Variants in DRD1 observed in about 807,000 individuals in gnomAD.
DRD1 encodes D(1A) dopamine receptor.
A neutral mutation model predicts 23.8 loss-of-function variants in DRD1; 2 were observed. That is an observed-to-expected ratio of 0.08 (90% CI 0.03 to 0.26). The LOEUF (loss-of-function observed/expected upper bound fraction) is 0.26. Ranked by LOEUF, DRD1 falls within the 10% of genes least tolerant of loss-of-function variation. The pLI is 1.00. For synonymous variants in DRD1, 218 were observed against 225.7 expected (o/e 0.97, Z 0.30); for missense variants, 376 against 559.0 (o/e 0.67, Z 3.30).
Position 175,443,342 on chromosome 5 carries a change from T to TCA in DRD1, c.-245_-244dup, listed in dbSNP as rs1361775247. 1 of 575,456 alleles carries TCA rather than the reference T, an allele frequency of 1.7e-6. No homozygotes were observed. Among genetic ancestry groups the TCA allele is most frequent in the African/African-American group, 1.9e-5 (1 of 53,472 alleles). 35.6% of individuals were successfully genotyped at this position (575,456 alleles called of 1,614,324 possible). On this transcript the variant is annotated 5_prime_UTR_variant, in exon 2 of 2. It introduces an in-frame stop codon into an upstream open reading frame of the 5' UTR. Coordinates refer to ENST00000393752, the MANE Select transcript of DRD1 (RefSeq NM_000794.5). ...TGTCTTCTGACTCCCTTGCTGCAGG[T>TCA]CACTGTCTTGGGCACCAGAAAGCCC...
chr5:175,441,620 T>A lies in DRD1; in HGVS notation c.*139A>T, dbSNP rs928651015. The stretch of plus-strand genomic sequence containing the variant: ...ACTGGAATGTATTTGGAAACGGAGT[T>A]AATTGTGTGTTGGAAAGCAGCAGAG... On this transcript the variant is annotated 3_prime_UTR_variant, in exon 2 of 2. Coordinates refer to ENST00000393752, the MANE Select transcript of DRD1 (RefSeq NM_000794.5). 2 of 1,063,364 alleles carry A rather than the reference T, an allele frequency of 1.9e-6. No homozygotes were observed. The highest frequency in any genetic ancestry group is 1.3e-6 in the Non-Finnish European group (1 of 748,294). The allele number at this position is 1,063,364 out of a possible 1,614,324, so 65.9% of individuals were successfully genotyped here. A position where few individuals can be genotyped will look rare whatever the true frequency, so the allele number is the denominator to read the frequency against.
chr5:175,442,961 C>T lies in DRD1; in HGVS notation c.139G>A (p.Ala47Thr), dbSNP rs1314152291. 1 of 1,614,032 alleles carries T rather than the reference C, an allele frequency of 6.2e-7. No individual in the cohort carries two copies. Among genetic ancestry groups the T allele is most frequent in the East Asian group, 2.2e-5 (1 of 44,862 alleles). Reference protein sequence around the residue: ...TLLGNTLVCAAVIRFRHLRSK... With the variant: ...TLLGNTLVCATVIRFRHLRSK... ...CGCAGGTGTCGGAACCTGATAACGG[C>T]AGCACAGACCAGCGTGTTCCCCAGG... Residue 47 changes from alanine (A) to threonine (T), a missense_variant, in exon 2 of 2, where the codon GCC (alanine) becomes ACC (threonine). This residue lies in a region of DRD1 where 121 missense variants were observed against 239.4 expected (regional missense o/e 0.51). Transcript: ENST00000393752. This position sits in a 1 kb window ranked among gnomAD's most constrained non-coding sequence, Gnocchi z 7.3.
rs79985405 is a variant in DRD1 at position 175,443,203 on chromosome 5, T to G, written c.-104A>C. ...AGGAGTCCTCCCCACCAGGCAGCAC[T>G]TTGCACAGCCAGATTGCTTCCCTGG... On this transcript the variant is annotated 5_prime_UTR_variant, in exon 2 of 2. Coordinates refer to ENST00000393752, the MANE Select transcript of DRD1 (RefSeq NM_000794.5). 1 of 1,469,266 alleles carries G rather than the reference T, an allele frequency of 6.8e-7. No individual in the cohort carries two copies. The highest frequency in any genetic ancestry group is 2.3e-5 in the East Asian group (1 of 43,666). The allele number at this position is 1,469,266 out of a possible 1,614,324, so 91.0% of individuals were successfully genotyped here.
At position 175,443,280 on chromosome 5, in the gene DRD1, G is replaced by C. The variant is rs1246888614; in HGVS notation, c.-181C>G. 10 of 717,938 alleles carry C rather than the reference G, an allele frequency of 1.4e-5. No homozygotes were observed. The highest frequency in any genetic ancestry group is 2.9e-5 in the Admixed American group (1 of 33,944). 44.5% of individuals were successfully genotyped at this position (717,938 alleles called of 1,614,324 possible). ...GAGGACCGCTTGAGTGGCAATCCAA[G>C]TCAATCCCGTGGATGGTCACTCTTG... On this transcript the variant is annotated 5_prime_UTR_variant, in exon 2 of 2. Transcript: ENST00000393752.
chr5:175,442,944 T>A lies in DRD1; in HGVS notation c.156A>T (p.Arg52=). ...TLVCAAVIRF[R]HLRSKVTNFF... Reference sequence around the variant, plus strand: ...AGTTGGTCACCTTGGACCGCAGGTGTCGGAACCTGATAACGGCAGCACAGA... The same window carrying A: ...AGTTGGTCACCTTGGACCGCAGGTGACGGAACCTGATAACGGCAGCACAGA... Residue 52 remains arginine (R), a synonymous_variant, in exon 2 of 2, where the codon CGA becomes CGT. Transcript: ENST00000393752. This position sits in a 1 kb window ranked among gnomAD's most constrained non-coding sequence, Gnocchi z 7.3. 1 of 1,612,896 alleles carries A rather than the reference T, an allele frequency of 6.2e-7. No individual in the cohort carries two copies. The highest frequency in any genetic ancestry group is 8.5e-7 in the Non-Finnish European group (1 of 1,179,896).
In DRD1 at chr5:175,441,890, C is replaced by T. The variant is rs1758525126; in HGVS notation, c.1210G>A (p.Glu404Lys). The change falls in exon 2 of 2, where the codon GAG becomes AAG. Residue 404 changes from glutamate (E) to lysine (K), a missense_variant. By Grantham distance (56) the Glu-to-Lys change is moderately conservative (BLOSUM62 1). Around this residue, in one of 5 missense-constraint regions of DRD1, gnomAD observed 117 missense variants for 126.9 expected, o/e 0.92. Coordinates refer to ENST00000393752, the MANE Select transcript of DRD1 (RefSeq NM_000794.5). ...AVGSSEDLKKEEAAGIARPLE... is the reference protein window; with the variant it reads ...AVGSSEDLKKKEAAGIARPLE... ...GGTCTGGCGATGCCAGCTGCCTCCT[C>T]CTTTTTCAGGTCCTCAGAGGAGCCC... The T allele has an allele frequency of 1.2e-6, 2 of 1,614,028 alleles. No homozygotes were observed. The highest frequency in any genetic ancestry group is 1.7e-6 in the Non-Finnish European group (2 of 1,180,028).
chr5:175,442,677 G>A lies in DRD1; in HGVS notation c.423C>T (p.Phe141=). The change falls in exon 2 of 2, where the codon TTC becomes TTT. Residue 141 remains phenylalanine, a synonymous_variant. Transcript: ENST00000393752. The surrounding 1 kb of genome is among the most constrained non-coding windows in gnomAD (Gnocchi z 7.3). The part of the protein sequence containing the change: ...YERKMTPKAA[F]ILISVAWTLS... ...AGGTCCATGCCACACTGATCAGGAT[G>A]AAGGCTGCCTTGGGGGTCATCTTTC... The A allele has an allele frequency of 6.2e-7, 1 of 1,614,168 alleles. No individual in the cohort carries two copies. The highest frequency in any genetic ancestry group is 8.5e-7 in the Non-Finnish European group (1 of 1,180,026).
rs944856530 is a variant in DRD1 at position 175,440,504 on chromosome 5, A to T, written c.*1255T>A. ...ATTAACATTTAAAGACTCCTTTAAA[A>T]ATCAGCTCTAAATTCAGATTAAAGC... On this transcript the variant is annotated 3_prime_UTR_variant, in exon 2 of 2. Transcript: ENST00000393752. The T allele has an allele frequency of 6.6e-6, 1 of 152,636 alleles. No homozygotes were observed. Among genetic ancestry groups the T allele is most frequent in the Non-Finnish European group, 1.5e-5 (1 of 68,042 alleles). 9.5% of individuals were successfully genotyped at this position (152,636 alleles called of 1,614,324 possible). A position where few individuals can be genotyped will look rare whatever the true frequency, so the allele number is the denominator to read the frequency against.
Position 175,442,382 on chromosome 5 carries a change from T to A in DRD1, c.718A>T (p.Asn240Tyr). The change falls in exon 2 of 2, where the codon AAT becomes TAT. Residue 240 changes from asparagine (N) to tyrosine (Y), a missense_variant. By Grantham distance (143) the Asn-to-Tyr change is moderately radical. Transcript: ENST00000393752. This position sits in a 1 kb window ranked among gnomAD's most constrained non-coding sequence, Gnocchi z 7.3. ...CCATTACCTGTGGTGGTCTGGCAATTCTTGGCGTGGACTGCTGCCCTCTCC... is the reference window on the plus strand; with the variant it reads ...CCATTACCTGTGGTGGTCTGGCAATACTTGGCGTGGACTGCTGCCCTCTCC... Reference protein sequence around the residue: ...ALERAAVHAKNCQTTTGNGKP... With the variant: ...ALERAAVHAKYCQTTTGNGKP... 1 of 1,614,168 alleles carries A rather than the reference T, an allele frequency of 6.2e-7. No individual in the cohort carries two copies. The highest frequency in any genetic ancestry group is 8.5e-7 in the Non-Finnish European group (1 of 1,180,026).
At position 175,441,699 on chromosome 5, in the gene DRD1, C is replaced by T; in HGVS notation, c.*60G>A. 1 of 1,508,674 alleles carries T rather than the reference C, an allele frequency of 6.6e-7. No homozygotes were observed. Among genetic ancestry groups the T allele is most frequent in the Non-Finnish European group, 8.8e-7 (1 of 1,134,186 alleles). 93.5% of individuals were successfully genotyped at this position (1,508,674 alleles called of 1,614,324 possible). A position where few individuals can be genotyped will look rare whatever the true frequency, so the allele number is the denominator to read the frequency against. ...GTACCTTAGTTTCTTAATAGCAAGC[C>T]CCAGAGCAATCTCCTCTAGCTTTTG... is the stretch of plus-strand genomic sequence containing the variant. On this transcript the variant is annotated 3_prime_UTR_variant, in exon 2 of 2. Transcript: ENST00000393752.
At position 175,441,744 on chromosome 5, in the gene DRD1, G is replaced by T; in HGVS notation, c.*15C>A. On this transcript the variant is annotated 3_prime_UTR_variant, in exon 2 of 2. Transcript: ENST00000393752. ...CTTTTGGGATGAGCATGTGTGGCAGGATTCATCTGCGAGTTCAGGTTGGGT... is the reference window on the plus strand; with the variant it reads ...CTTTTGGGATGAGCATGTGTGGCAGTATTCATCTGCGAGTTCAGGTTGGGT... The T allele has an allele frequency of 3.9e-6, 6 of 1,548,890 alleles. No homozygotes were observed. The South Asian group carries it at 6.2e-5, about 16-fold the overall frequency.
chr5:175,443,062 C>A lies in DRD1; in HGVS notation c.38G>T (p.Gly13Val). 6.2e-7 allele frequency: 1 copy of A among 1,614,180 alleles called. No homozygotes were observed. The highest frequency in any genetic ancestry group is 2.2e-5 in the East Asian group (1 of 44,876). Residue 13 changes from glycine to valine, a missense_variant, in exon 2 of 2, where the codon GGG (glycine) becomes GTG (valine). Gly to Val is a moderately radical substitution (Grantham distance 109). Transcript: ENST00000393752. ...TLNTSAMDGT[G>V]LVVERDFSVR... is the part of the protein sequence containing the mutation. ...AGAGAAGTCCCTCTCCACCACCAGC[C>A]CAGTCCCGTCCATGGCAGAGGTGTT...
Position 175,441,658 on chromosome 5 carries a change from A to G in DRD1, c.*101T>C. On this transcript the variant is annotated 3_prime_UTR_variant, in exon 2 of 2. Transcript: ENST00000393752. ...GAAAGCAGCAGAGGGCTCTCCTGACACCTCAGAGTCTCACCGTACCTTAGT... is the reference window on the plus strand; with the variant it reads ...GAAAGCAGCAGAGGGCTCTCCTGACGCCTCAGAGTCTCACCGTACCTTAGT... The G allele has an allele frequency of 2.8e-6, 4 of 1,423,236 alleles. No individual in the cohort carries two copies. Among genetic ancestry groups the G allele is most frequent in the Non-Finnish European group, 3.7e-6 (4 of 1,066,796 alleles). The allele number at this position is 1,423,236 out of a possible 1,614,324, so 88.2% of individuals were successfully genotyped here.
In DRD1 at chr5:175,443,713, G is replaced by C. The variant is rs1758563866; in HGVS notation, c.-498C>G. 1 of 153,068 alleles carries C rather than the reference G, an allele frequency of 6.5e-6. No individual in the cohort carries two copies. The highest frequency in any genetic ancestry group is 2.1e-4 in the South Asian group (1 of 4,852). 9.5% of individuals were successfully genotyped at this position (153,068 alleles called of 1,614,324 possible). ...GAGCCACCTACCTTGCCTTGGGGTC[G>C]TCTCTCTCAAAGCCCCTGGAGCTTG... On this transcript the variant is annotated 5_prime_UTR_variant, in exon 1 of 2. Transcript: ENST00000393752.
At position 175,443,957 on chromosome 5, in the gene DRD1, C is replaced by T. The variant is rs938320809; in HGVS notation, c.-742G>A. The T allele has an allele frequency of 1.3e-5, 2 of 152,466 alleles. No individual in the cohort carries two copies. The highest frequency in any genetic ancestry group is 6.5e-5 in the Admixed American group (1 of 15,290). 9.4% of individuals were successfully genotyped at this position (152,466 alleles called of 1,614,324 possible). On this transcript the variant is annotated 5_prime_UTR_variant, in exon 1 of 2. Coordinates refer to ENST00000393752, the MANE Select transcript of DRD1 (RefSeq NM_000794.5). ...AAGGGCACTAGACCCCGGCTAAGGG[C>T]TCCTGGGCGCTCGGAGCTTCCTTGG... is the stretch of plus-strand genomic sequence containing the variant.
At position 175,442,189 on chromosome 5, in the gene DRD1, T is replaced by G; in HGVS notation, c.911A>C (p.Gln304Pro). ...GGTGTTGGAATCAATGCAGAAGGGC[T>G]GCGTCTCCCCAGACCCACAGAAGGG... ...ILPFCGSGET[Q>P]PFCIDSNTFD... Residue 304 changes from glutamine (Q) to proline (P), a missense_variant, in exon 2 of 2, where the codon CAG becomes CCG. Around this residue, in one of 5 missense-constraint regions of DRD1, gnomAD observed 47 missense variants for 106.7 expected, o/e 0.44. Coordinates refer to ENST00000393752, the MANE Select transcript of DRD1 (RefSeq NM_000794.5). The surrounding 1 kb of genome is among the most constrained non-coding windows in gnomAD (Gnocchi z 7.3). 6.2e-7 allele frequency: 1 copy of G among 1,614,126 alleles called. No homozygotes were observed. Among genetic ancestry groups the G allele is most frequent in the Non-Finnish European group, 8.5e-7 (1 of 1,180,030 alleles).
Position 175,443,050 on chromosome 5 carries a change from T to G in DRD1, c.50A>C (p.Glu17Ala). The G allele has an allele frequency of 6.2e-7, 1 of 1,614,134 alleles. No individual in the cohort carries two copies. Among genetic ancestry groups the G allele is most frequent in the Non-Finnish European group, 8.5e-7 (1 of 1,180,034 alleles). ...SAMDGTGLVV[E>A]RDFSVRILTA... Reference sequence around the variant, plus strand: ...GAGGATACGAACAGAGAAGTCCCTCTCCACCACCAGCCCAGTCCCGTCCAT... The same window carrying G: ...GAGGATACGAACAGAGAAGTCCCTCGCCACCACCAGCCCAGTCCCGTCCAT... The change falls in exon 2 of 2, where the codon GAG becomes GCG. Residue 17 changes from glutamate (E) to alanine (A), a missense_variant. Coordinates refer to ENST00000393752, the MANE Select transcript of DRD1 (RefSeq NM_000794.5).
Position 175,443,264 on chromosome 5 carries a change from T to G in DRD1, c.-165A>C. 1.2e-6 allele frequency: 1 copy of G among 847,392 alleles called. No individual in the cohort carries two copies. The highest frequency in any genetic ancestry group is 1.8e-6 in the Non-Finnish European group (1 of 548,486). The allele number at this position is 847,392 out of a possible 1,614,324, so 52.5% of individuals were successfully genotyped here. On this transcript the variant is annotated 5_prime_UTR_variant, in exon 2 of 2. Transcript: ENST00000393752. ...CACCAACATTCCATGAGAGGACCGC[T>G]TGAGTGGCAATCCAAGTCAATCCCG...
chr5:175,442,426 A>G lies in DRD1; in HGVS notation c.674T>C (p.Ile225Thr). 6.2e-7 allele frequency: 1 copy of G among 1,614,150 alleles called. No individual in the cohort carries two copies. Among genetic ancestry groups the G allele is most frequent in the East Asian group, 2.2e-5 (1 of 44,880 alleles). ...TRIYRIAQKQ[I>T]RRIAALERAA... Reference sequence around the variant, plus strand: ...CCTCTCCAAGGCCGCAATGCGCCGTATTTGTTTCTGAGCAATCCTGTAGAT... The same window carrying G: ...CCTCTCCAAGGCCGCAATGCGCCGTGTTTGTTTCTGAGCAATCCTGTAGAT... Residue 225 changes from isoleucine (I) to threonine (T), a missense_variant, in exon 2 of 2, where the codon ATA (isoleucine) becomes ACA (threonine). Around this residue, in one of 5 missense-constraint regions of DRD1, gnomAD observed 44 missense variants for 46.7 expected, o/e 0.94. Transcript: ENST00000393752. The surrounding 1 kb of genome is among the most constrained non-coding windows in gnomAD (Gnocchi z 7.3).
Sources: gnomAD v4.1 joint callset for allele counts on GRCh38, gnomAD v4.1.1 for gene constraint, gnomAD v4.1.1 regional missense constraint, Gnocchi (gnomAD v3.1) non-coding constraint, MANE v1.5 for transcripts, NCBI Gene and HGNC (gene_info 2026-07-23, HGNC 2026-07-21) for gene names.